The following ZFYVE9 variants were observed in gnomAD, a reference collection of about 807,000 sequenced individuals.
ZFYVE9 encodes zinc finger FYVE-type containing 9.
A neutral mutation model predicts 126.7 loss-of-function variants in ZFYVE9; 43 were observed. That is an observed-to-expected ratio of 0.34 (90% CI 0.27 to 0.44). The LOEUF is 0.44. Ranked by LOEUF, ZFYVE9 falls within the 20% of genes least tolerant of loss-of-function variation. The pLI, the probability that ZFYVE9 is intolerant of heterozygous loss-of-function variation, is 1.00. For synonymous variants in ZFYVE9, 521 were observed against 597.4 expected (o/e 0.87, Z 1.87); for missense variants, 1,476 against 1,697.0 (o/e 0.87, Z 2.29).
intron 4 of ZFYVE9, among the ~76,000 whole-genome samples, chr1:52,242,031 C>CTTTTTTTTTT (rs975430437): frequency 9.4e-6 from 1 of 106,440 alleles, no homozygotes; most frequent in Non-Finnish European, 1.8e-5. Flanking sequence ...TCATGGCAAT[C>CTTTTTTTTTT]TTTTTTTTTT....
At chr1:52,173,981 GT>G (rs36158762) in intron 1 of ZFYVE9, among the ~76,000 whole-genome samples, 110,800 of 150,632 alleles carry the variant, frequency 0.74, 45,134 homozygotes, top group Non-Finnish European at 0.89. Context: ...TTTTTGAAGA[GT>G]TTTTTTTTGT....
In ZFYVE9 at chr1:52,340,339, G is replaced by C. The variant is rs913542535; in HGVS notation, c.3939+108G>C. ...TGTAGGATAAGAAAAAAATATCTCT[G>C]AGAAAAATCTTTCTCGTTTATACTA... On this transcript the variant is annotated intron_variant, in intron 17 of 18. Coordinates refer to ENST00000287727, the MANE Select transcript of ZFYVE9 (RefSeq NM_004799.4). 2.8e-5 allele frequency: 22 copies of C among 779,604 alleles called. No homozygotes were observed. The South Asian group carries it at 3.5e-4, about 12-fold the overall frequency. The allele number at this position is 779,604 out of a possible 1,614,324, so 48.3% of individuals were successfully genotyped here.
At chr1:52,215,865 G>A (rs1645067423) in intron 1 of ZFYVE9, among the ~76,000 whole-genome samples, 1 of 152,134 alleles carries the variant, frequency 6.6e-6, no homozygotes, top group Non-Finnish European at 1.5e-5. Flanking sequence ...AGCAGTTGGA[G>A]GAGGACTGGA....
chr1:52,245,132 C>G (rs1481300122), intron 4 of ZFYVE9, among the ~76,000 whole-genome samples: 4 of 151,484 alleles, frequency 2.6e-5, no homozygotes, highest in African/African-American at 9.7e-5. Flanking sequence ...CCACTGCACT[C>G]CAGCCTGGGT....
intron 1 of ZFYVE9, among the ~76,000 whole-genome samples, chr1:52,177,172 G>A (rs1644641978): frequency 1.4e-5 from 2 of 145,534 alleles, no homozygotes; most frequent in South Asian, 2.2e-4. Context: ...TTTTTGAGAC[G>A]GACTCTCCCT....
Position 52,238,506 on chromosome 1 carries a change from G to A in ZFYVE9, c.1089G>A (p.Val363=). Residue 363 remains valine (V), a synonymous_variant, in exon 4 of 19, where the codon GTG becomes GTA. Transcript: ENST00000287727. The part of the protein sequence containing the change: ...NDCERCSDCL[V]PNEVRADENE... The stretch of plus-strand genomic sequence containing the variant: ...GTGAACGGTGTTCAGATTGCCTTGT[G>A]CCTAATGAAGTTAGGGCTGATGAAA... 2 of 1,614,080 alleles carry A rather than the reference G, an allele frequency of 1.2e-6. No homozygotes were observed. Among genetic ancestry groups the A allele is most frequent in the Non-Finnish European group, 1.7e-6 (2 of 1,179,964 alleles).
chr1:52,274,952 CAGAA>C (rs1156314509), intron 8 of ZFYVE9, among the ~76,000 whole-genome samples: 1 of 152,014 alleles, frequency 6.6e-6, no homozygotes, highest in Non-Finnish European at 1.5e-5. Context: ...AATATACATT[CAGAA>C]AGAACGTATA....
At chr1:52,191,599 T>C (rs1258806113) in intron 1 of ZFYVE9, among the ~76,000 whole-genome samples, 1 of 152,224 alleles carries the variant, frequency 6.6e-6, no homozygotes, top group Non-Finnish European at 1.5e-5. Context: ...ATGACCCAGA[T>C]GGGTTAGATA....
chr1:52,245,163 CA>C (rs879854058), intron 4 of ZFYVE9, among the ~76,000 whole-genome samples: 1,983 of 114,620 alleles, frequency 0.017, 30 homozygotes, highest in African/African-American at 0.055. Flanking sequence ...GACTCTGTCT[CA>C]AAAAAAAAAA....
intron 1 of ZFYVE9, chr1:52,150,390 G>T (rs1052041948): frequency 6.6e-6 from 1 of 152,256 alleles, no homozygotes; most frequent in Non-Finnish European, 1.5e-5. Flanking sequence ...CCCCACTCCA[G>T]CCTGGGCAAC....
chr1:52,266,839 ATCATGTGCTATTC>A lies in ZFYVE9; in HGVS notation c.2455+11_2455+23del, dbSNP rs1645638674. Reference sequence around the variant, plus strand: ...AGCACCCTGGAGCAGAAGGTAGGGGATCATGTGCTATTCTCTCTCTTTTTCCTCACGAAGTTCC... The same window carrying A: ...AGCACCCTGGAGCAGAAGGTAGGGGATCTCTCTTTTTCCTCACGAAGTTCC... On this transcript the variant is annotated intron_variant, in intron 6 of 18. Transcript: ENST00000287727. 2 of 1,582,392 alleles carry A rather than the reference ATCATGTGCTATTC, an allele frequency of 1.3e-6. No individual in the cohort carries two copies. Among genetic ancestry groups the A allele is most frequent in the Admixed American group, 1.9e-5 (1 of 53,920 alleles).
intron 10 of ZFYVE9, among the ~76,000 whole-genome samples, chr1:52,286,395 G>A (rs1645859506): frequency 6.6e-6 from 1 of 152,134 alleles, no homozygotes; most frequent in African/African-American, 2.4e-5. Flanking sequence ...AACCATATGT[G>A]TGTTGTATAT....
rs367815611 is a variant in ZFYVE9, at chr1:52,316,165, C to CAAAAA, written c.3438+12261_3438+12265dup. The stretch of plus-strand genomic sequence containing the variant: ...GGGCAACAAGAGTGAAACTCCATCT[C>CAAAAA]AAAAAAAAAAAAAAAAAAAAAAAAA... On this transcript the variant is annotated intron_variant, in intron 13 of 18. Transcript: ENST00000287727. Among the ~76,000 whole-genome samples, 116 of 39,114 alleles carry CAAAAA rather than the reference C, an allele frequency of 3.0e-3. 4 individuals carry two copies. The highest frequency in any genetic ancestry group is 6.8e-3 in the African/African-American group (63 of 9,224). 25.7% of individuals were successfully genotyped at this position (39,114 alleles called of 152,430 possible).
intron 1 of ZFYVE9, among the ~76,000 whole-genome samples, chr1:52,189,599 C>A (rs1644798394): frequency 6.6e-6 from 1 of 151,884 alleles, no homozygotes; most frequent in African/African-American, 2.4e-5. Context: ...TCTCAAACTT[C>A]TGGCCTCAAG....
intron 1 of ZFYVE9, chr1:52,180,687 A>G (rs944640299): frequency 8.2e-6 from 3 of 367,070 alleles, no homozygotes; most frequent in Non-Finnish European, 1.5e-5. Context: ...AGAAATAATC[A>G]TTGCTGGGCC....
At chr1:52,226,270 A>G (rs1036972033) in intron 2 of ZFYVE9, among the ~76,000 whole-genome samples, 4 of 152,134 alleles carry the variant, frequency 2.6e-5, no homozygotes, top group African/African-American at 9.7e-5. Context: ...CACCCGTGCA[A>G]GCTCCCAGCT....
In ZFYVE9 at chr1:52,346,345, GT is replaced by G; in HGVS notation, c.*125del. ...CACTATTAATGGGGTGGGGAATAGGGTGGGAGTGGGGGTTTGGGAGACGGGT... is the reference window on the plus strand; with the variant it reads ...CACTATTAATGGGGTGGGGAATAGGGGGGAGTGGGGGTTTGGGAGACGGGT... On this transcript the variant is annotated 3_prime_UTR_variant, in exon 19 of 19. Coordinates refer to ENST00000287727, the MANE Select transcript of ZFYVE9 (RefSeq NM_004799.4). 4.5e-6 allele frequency: 4 copies of G among 897,680 alleles called. No individual in the cohort carries two copies. The highest frequency in any genetic ancestry group is 6.3e-6 in the Non-Finnish European group (4 of 631,024). 55.6% of individuals were successfully genotyped at this position (897,680 alleles called of 1,614,324 possible).
chr1:52,154,866 A>G (rs551712380), intron 1 of ZFYVE9, among the ~76,000 whole-genome samples: 1 of 152,160 alleles, frequency 6.6e-6, no homozygotes, highest in East Asian at 1.9e-4. Flanking sequence ...GCATTCACAT[A>G]CTGAGCTGAC....
intron 13 of ZFYVE9, among the ~76,000 whole-genome samples, chr1:52,316,483 CAAAAA>C (rs34497476): frequency 2.5e-5 from 2 of 80,768 alleles, no homozygotes; most frequent in Non-Finnish European, 4.8e-5. Context: ...AGACTGGTCT[CAAAAA>C]AAAAAAAAAA....
Sources: allele counts gnomAD v4.1 joint callset (sites outside exome capture counted in the v4.1 genomes callset), GRCh38; gene constraint gnomAD v4.1.1; transcripts MANE v1.5; gene names NCBI Gene and HGNC (gene_info 2026-07-23, HGNC 2026-07-21).